The following SLC25A26 variants were observed in gnomAD, a reference collection of about 807,000 sequenced individuals.
The protein encoded by SLC25A26 is solute carrier family 25 member 26.
Under a neutral mutation model 37.8 loss-of-function variants are expected in SLC25A26, and 36 were observed. The ratio of observed to expected loss-of-function variants is 0.95; its 90% CI spans 0.73 to 1.26. SLC25A26 has a LOEUF of 1.26. Ranked by LOEUF, SLC25A26 falls within the 50% of genes most tolerant of loss-of-function variation. The pLI, the probability that SLC25A26 is intolerant of heterozygous loss-of-function variation, is 0.00. For missense variants in SLC25A26, 390 were observed against 331.1 expected (o/e 1.18, Z -1.38); for synonymous variants, 129 against 122.5 (o/e 1.05, Z -0.35).
chr3:66,209,087 G>GGT (rs1355017192), intron 1 of SLC25A26, among the ~76,000 whole-genome samples: 1,387 of 39,886 alleles, frequency 0.035, 53 homozygotes, highest in Non-Finnish European at 0.045. Flanking sequence ...CCCATATAAA[G>GGT]ATGTATATAT....
intron 5 of SLC25A26, among the ~76,000 whole-genome samples, chr3:66,330,819 C>A (rs1024266822): frequency 2.0e-5 from 3 of 152,018 alleles, no homozygotes; most frequent in Admixed American, 2.0e-4. Context: ...TAAGAAAATT[C>A]TTTTGATACT....
intron 1 of SLC25A26, among the ~76,000 whole-genome samples, chr3:66,205,879 A>G (rs914871317): frequency 9.2e-5 from 14 of 152,204 alleles, no homozygotes; most frequent in Admixed American, 5.2e-4. Flanking sequence ...GGGTGCAGGT[A>G]GCTTCTGCAG....
Position 66,209,898 on chromosome 3 carries a change from T to TTTTATATATATATATATATATATATA in SLC25A26, c.-353-10843_-353-10842insTTATATATATATATATATATATATAT, listed in dbSNP as rs1553656263. On this transcript the variant is annotated intron_variant, in intron 1 of 10. Transcript: ENST00000676754. ...TATACTCCTCTCTCTCTCTCTCTATTTATATATATATATATATATATATAT... is the reference window on the plus strand; with the variant it reads ...TATACTCCTCTCTCTCTCTCTCTATTTTTATATATATATATATATATATATATATATATATATATATATATATATAT... 5.2e-5 allele frequency among the ~76,000 whole-genome samples: 2 copies of TTTTATATATATATATATATATATATA among 38,608 alleles called. 1 individual carries two copies. The highest frequency in any genetic ancestry group is 1.0e-4 in the Non-Finnish European group (2 of 19,916). The allele number at this position is 38,608 out of a possible 152,430, so 25.3% of individuals were successfully genotyped here. A position where few individuals can be genotyped will look rare whatever the true frequency, so the allele number is the denominator to read the frequency against.
chr3:66,297,172 A>C (rs2074929334), intron 5 of SLC25A26, among the ~76,000 whole-genome samples: 1 of 151,678 alleles, frequency 6.6e-6, no homozygotes, highest in Admixed American at 6.6e-5. Context: ...TTAAAAATAC[A>C]AAAAAAATAG....
At chr3:66,204,729 G>A (rs2071155634) in intron 1 of SLC25A26, among the ~76,000 whole-genome samples, 1 of 152,150 alleles carries the variant, frequency 6.6e-6, no homozygotes, top group African/African-American at 2.4e-5. Flanking sequence ...TCTGATTGCC[G>A]ATGGAGGCTG....
At chr3:66,369,869 A>G (rs554377197) in intron 8 of SLC25A26, among the ~76,000 whole-genome samples, 2 of 152,334 alleles carry the variant, frequency 1.3e-5, no homozygotes, top group East Asian at 3.9e-4. Context: ...CAGGTAAGTG[A>G]CAGGCTTTGA....
At position 66,377,895 on chromosome 3, in the gene SLC25A26, G is replaced by A; in HGVS notation, c.*88G>A. On this transcript the variant is annotated 3_prime_UTR_variant, in exon 10 of 10. Coordinates refer to ENST00000354883, the MANE Select transcript of SLC25A26 (RefSeq NM_001379210.1). The stretch of plus-strand genomic sequence containing the variant: ...CGCTGAGCAGCTGTCTGAACTATAG[G>A]CCCCAGTGCTGAAGACCAGTTGTGC... 7 of 1,001,334 alleles carry A rather than the reference G, an allele frequency of 7.0e-6. No individual in the cohort carries two copies. The highest frequency in any genetic ancestry group is 5.4e-5 in the South Asian group (4 of 74,004). The allele number at this position is 1,001,334 out of a possible 1,614,324, so 62.0% of individuals were successfully genotyped here. A position where few individuals can be genotyped will look rare whatever the true frequency, so the allele number is the denominator to read the frequency against.
chr3:66,371,045 T>G (rs1275210899), intron 9 of SLC25A26, among the ~76,000 whole-genome samples: 1 of 152,232 alleles, frequency 6.6e-6, no homozygotes, highest in East Asian at 1.9e-4. Context: ...TAGCATCAAT[T>G]GAGAACCATT....
chr3:66,328,966 C>G (rs1056490245), intron 5 of SLC25A26, among the ~76,000 whole-genome samples: 2 of 152,106 alleles, frequency 1.3e-5, no homozygotes, highest in Non-Finnish European at 2.9e-5. Context: ...TGCCACCTAG[C>G]TTTTTAAAAG....
rs34944870 is a variant in SLC25A26 at position 66,346,715 on chromosome 3, C to CGTGTGTGTGTGTGTGT, written c.498+338_498+353dup. Among the ~76,000 whole-genome samples, 8 of 138,882 alleles carry CGTGTGTGTGTGTGTGT rather than the reference C, an allele frequency of 5.8e-5. 1 individual carries two copies. The highest frequency in any genetic ancestry group is 2.5e-4 in the South Asian group (1 of 3,944). The allele number at this position is 138,882 out of a possible 152,430, so 91.1% of individuals were successfully genotyped here. On this transcript the variant is annotated intron_variant, in intron 6 of 9. Transcript: ENST00000354883. ...CCGTTAAATTTCATTTTGCTGTGTG[C>CGTGTGTGTGTGTGTGT]GTGTGTGTGTGTGTGTGTGTGTGTG...
chr3:66,245,723 A>T (rs2072803903), intron 3 of SLC25A26, among the ~76,000 whole-genome samples: 1 of 152,208 alleles, frequency 6.6e-6, no homozygotes, highest in African/African-American at 2.4e-5. Context: ...CTTGTTTAAG[A>T]ATAAGTGAAC....
chr3:66,367,943 A>T (rs1277083048), intron 7 of SLC25A26, among the ~76,000 whole-genome samples: 1 of 152,188 alleles, frequency 6.6e-6, no homozygotes, highest in Non-Finnish European at 1.5e-5. Flanking sequence ...ACCCAAGGGG[A>T]TTCAAATATT....
chr3:66,341,168 G>A lies in SLC25A26; in HGVS notation c.454-5196G>A, dbSNP rs76135108. On this transcript the variant is annotated intron_variant, in intron 5 of 9. Transcript: ENST00000354883. ...CCTTACCTTATTCATGATCTTAAGG[G>A]GAAAGCATTCAGTCTGTCACCATTA... is the stretch of plus-strand genomic sequence containing the variant. Among the ~76,000 whole-genome samples, 456 of 152,138 alleles carry A rather than the reference G, an allele frequency of 3.0e-3. 3 individuals are homozygous for A. Among genetic ancestry groups the A allele is most frequent in the East Asian group, 0.016 (84 of 5,178 alleles).
At chr3:66,171,793 A>T (rs2070503242) in intron 1 of SLC25A26, among the ~76,000 whole-genome samples, 1 of 152,092 alleles carries the variant, frequency 6.6e-6, no homozygotes, top group African/African-American at 2.4e-5. Context: ...CCCGGCCCTG[A>T]GATGTTCATT....
chr3:66,271,793 T>TG (rs1172826677), intron 5 of SLC25A26, among the ~76,000 whole-genome samples: 6 of 152,132 alleles, frequency 3.9e-5, no homozygotes, highest in Non-Finnish European at 8.8e-5. Flanking sequence ...CATCCATCGT[T>TG]GTTAAGATCC....
At chr3:66,360,216 GTTC>G (rs1160800038) in intron 6 of SLC25A26, among the ~76,000 whole-genome samples, 2 of 152,100 alleles carry the variant, frequency 1.3e-5, no homozygotes, top group Non-Finnish European at 1.5e-5. Context: ...GAACTTTGCT[GTTC>G]TTCTTTTAGT....
At chr3:66,291,741 A>T (rs2107511600) in intron 5 of SLC25A26, among the ~76,000 whole-genome samples, 1 of 152,306 alleles carries the variant, frequency 6.6e-6, no homozygotes, top group East Asian at 1.9e-4. Context: ...ATTTTAGAAT[A>T]AGTGCGATGT....
intron 1 of SLC25A26, among the ~76,000 whole-genome samples, chr3:66,147,036 C>T (rs958111690): frequency 1.4e-5 from 2 of 144,820 alleles, no homozygotes; most frequent in African/African-American, 5.1e-5. Flanking sequence ...AAGTATTCCA[C>T]GATGTATCTT....
intron 5 of SLC25A26, among the ~76,000 whole-genome samples, chr3:66,342,283 T>TA: frequency 6.6e-6 from 1 of 152,326 alleles, no homozygotes; most frequent in Non-Finnish European, 1.5e-5. Flanking sequence ...AGTTCTGGGT[T>TA]ATTTCTGCCA....
Sources: allele counts gnomAD v4.1 joint callset (sites outside exome capture counted in the v4.1 genomes callset), GRCh38; gene constraint gnomAD v4.1.1; transcripts MANE v1.5; gene names NCBI Gene and HGNC (gene_info 2026-07-23, HGNC 2026-07-21).